The following PEMT variants were observed in gnomAD, a reference collection of about 807,000 sequenced individuals.
The protein encoded by PEMT is phosphatidylethanolamine N-methyltransferase, also known as phospholipid methyltransferase.
A neutral mutation model predicts 27.4 loss-of-function variants in PEMT; 23 were observed. That is an observed-to-expected ratio of 0.84 (90% CI 0.60 to 1.19). PEMT has a LOEUF of 1.19. PEMT is among the 50% of genes most tolerant of loss of function. The probability of loss-of-function intolerance (pLI) is 0.00; values close to 1 mark genes in which losing one functional copy is unlikely to be tolerated. For missense variants in PEMT, 307 were observed against 310.1 expected, an observed-to-expected ratio of 0.99 and a Z score of 0.07; for synonymous variants, 137 against 139.1, an observed-to-expected ratio of 0.98 and a Z score of 0.11.
chr17:17,547,467 G>C (rs369433532), intron 2 of PEMT, among the ~76,000 whole-genome samples: 7 of 152,254 alleles, frequency 4.6e-5, no homozygotes. Flanking sequence ...AACCTGGAGC[G>C]AGGGCAGTCA....
At position 17,565,619 on chromosome 17, in the gene PEMT, C is replaced by T. The variant is rs1016750552; in HGVS notation, c.204+11301G>A. ...ACTGATGAACCCTGGCAGCAGCATC[C>T]GTGACACTGGAGAGCCCAACACCAG... On this transcript the variant is annotated intron_variant, in intron 2 of 6. Coordinates refer to ENST00000255389, the MANE Select transcript of PEMT (RefSeq NM_148172.3). Among the ~76,000 whole-genome samples the T allele has an allele frequency of 2.6e-5, 4 of 152,344 alleles. No individual in the cohort carries two copies. The South Asian group carries it at 6.2e-4, about 24-fold the overall frequency.
chr17:17,586,307 G>A (rs1912313444), intron 1 of PEMT, among the ~76,000 whole-genome samples: 1 of 144,048 alleles, frequency 6.9e-6, no homozygotes, highest in Non-Finnish European at 1.5e-5. Flanking sequence ...AAACGCAGGT[G>A]GAAAATCGGG....
At chr17:17,562,334 C>T (rs954006156) in intron 2 of PEMT, among the ~76,000 whole-genome samples, 12 of 152,162 alleles carry the variant, frequency 7.9e-5, no homozygotes, top group Admixed American at 3.3e-4. Flanking sequence ...ACGACAGTGG[C>T]AGGAGTGTTG....
intron 2 of PEMT, among the ~76,000 whole-genome samples, chr17:17,544,321 C>T (rs1164492449): frequency 6.6e-6 from 1 of 151,534 alleles, no homozygotes; most frequent in Non-Finnish European, 1.5e-5. Context: ...GCTCTTGTCG[C>T]CCAGGCTGGA....
chr17:17,588,833 C>T (rs1435300069), intron 1 of PEMT, among the ~76,000 whole-genome samples: 1 of 152,236 alleles, frequency 6.6e-6, no homozygotes, highest in Non-Finnish European at 1.5e-5. Flanking sequence ...GGCAGCTGCC[C>T]AGCTGAGGAG....
intron 2 of PEMT, among the ~76,000 whole-genome samples, chr17:17,554,531 C>T (rs548088507): frequency 2.6e-5 from 4 of 152,360 alleles, no homozygotes; most frequent in African/African-American, 9.6e-5. Flanking sequence ...GCGGCACAGG[C>T]TGAGGCAACG....
At chr17:17,536,196 C>A in intron 2 of PEMT, among the ~76,000 whole-genome samples, 1 of 152,246 alleles carries the variant, frequency 6.6e-6, no homozygotes, top group East Asian at 1.9e-4. Flanking sequence ...GTATCCTATT[C>A]AATCTGCATG....
Position 17,582,538 on chromosome 17 carries a change from A to C in PEMT, c.97-5511T>G. 44 of 441,796 alleles carry C rather than the reference A, an allele frequency of 1.0e-4. No homozygotes were observed. The highest frequency in any genetic ancestry group is 1.2e-4 in the Non-Finnish European group (41 of 333,352). The allele number at this position is 441,796 out of a possible 1,614,324, so 27.4% of individuals were successfully genotyped here. A position where few individuals can be genotyped will look rare whatever the true frequency, so the allele number is the denominator to read the frequency against. On this transcript the variant is annotated intron_variant, in intron 1 of 6. Transcript: ENST00000255389. This position sits in a 1 kb window ranked among gnomAD's most constrained non-coding sequence, Gnocchi z 4.9. ...TCCAGGCCACACACCACACACAACA[A>C]AGGGCAGGGGAATGGGTGGGGGCTG... is the stretch of plus-strand genomic sequence containing the variant.
chr17:17,512,747 A>G lies in PEMT; in HGVS notation c.321-93T>C. Reference sequence around the variant, plus strand: ...GACCTCATCTTCTCGCCCTCTCCCCAGGGACCCTTAGAGAGTAGCCAGCCC... The same window carrying G: ...GACCTCATCTTCTCGCCCTCTCCCCGGGGACCCTTAGAGAGTAGCCAGCCC... On this transcript the variant is annotated intron_variant, in intron 3 of 6. Coordinates refer to ENST00000255389, the MANE Select transcript of PEMT (RefSeq NM_148172.3). The surrounding 1 kb of genome is among the most constrained non-coding windows in gnomAD (Gnocchi z 6.3). 1.6e-6 allele frequency: 2 copies of G among 1,272,960 alleles called. No homozygotes were observed. The highest frequency in any genetic ancestry group is 2.1e-6 in the Non-Finnish European group (2 of 970,596). The allele number at this position is 1,272,960 out of a possible 1,614,324, so 78.9% of individuals were successfully genotyped here.
At chr17:17,525,774 C>A (rs776565933) in intron 2 of PEMT, among the ~76,000 whole-genome samples, 5 of 152,184 alleles carry the variant, frequency 3.3e-5, no homozygotes, top group Non-Finnish European at 2.9e-5. Context: ...GTGGGAGGAT[C>A]ATGAGGTCAG....
intron 2 of PEMT, among the ~76,000 whole-genome samples, chr17:17,528,809 C>T (rs761086197): frequency 1.3e-4 from 20 of 152,342 alleles, no homozygotes; most frequent in Admixed American, 6.5e-4. Flanking sequence ...CCCAGTCCCA[C>T]TGGAGTTGAC....
chr17:17,505,834 T>G lies in PEMT; in HGVS notation c.668A>C (p.Glu223Ala), dbSNP rs1307640473. 40 of 1,610,900 alleles carry G rather than the reference T, an allele frequency of 2.5e-5. No homozygotes were observed. The highest frequency in any genetic ancestry group is 3.3e-5 in the Non-Finnish European group (39 of 1,178,392). The change falls in exon 7 of 7, where the codon GAG becomes GCG. Residue 223 changes from glutamate (E) to alanine (A), a missense_variant. Glu to Ala is a moderately radical substitution (Grantham distance 107, BLOSUM62 -1). Transcript: ENST00000255389. ...ALLYEEPFTA[E>A]IYRQKASGSH... is the part of the protein sequence containing the mutation. ...CCCGGAGGCTTTCTGCCGGTAGATC[T>G]CAGCGGTGAAGGGCCTGCCGGGCAG...
chr17:17,590,597 G>A (rs966865706), intron 1 of PEMT, among the ~76,000 whole-genome samples: 1 of 152,240 alleles, frequency 6.6e-6, no homozygotes, highest in Non-Finnish European at 1.5e-5. Flanking sequence ...TGAGTGACAC[G>A]AGGCCCTCAG....
intron 2 of PEMT, among the ~76,000 whole-genome samples, chr17:17,527,372 C>T (rs1567684398): frequency 6.6e-6 from 1 of 152,172 alleles, no homozygotes; most frequent in Non-Finnish European, 1.5e-5. Flanking sequence ...TGAAGTGAGA[C>T]ACGGCTCCTT....
chr17:17,535,423 A>G (rs1176169184), intron 2 of PEMT, among the ~76,000 whole-genome samples: 1 of 152,014 alleles, frequency 6.6e-6, no homozygotes, highest in East Asian at 1.9e-4. Flanking sequence ...AAAATTGGCC[A>G]AGCATGGTGG....
At chr17:17,577,864 A>G (rs909124136) in intron 1 of PEMT, among the ~76,000 whole-genome samples, 2 of 151,874 alleles carry the variant, frequency 1.3e-5, no homozygotes, top group African/African-American at 4.8e-5. Context: ...AAAAATACAA[A>G]AAATTAGCCG....
chr17:17,554,398 G>A (rs1355882354), intron 2 of PEMT, among the ~76,000 whole-genome samples: 21 of 152,068 alleles, frequency 1.4e-4, no homozygotes, highest in Admixed American at 5.2e-4. Context: ...AGGCATGAAC[G>A]TGGCCCTCCG....
chr17:17,559,303 C>T (rs1445036473), intron 2 of PEMT, among the ~76,000 whole-genome samples: 1 of 152,072 alleles, frequency 6.6e-6, no homozygotes, highest in Non-Finnish European at 1.5e-5. Flanking sequence ...GCAAGCCTTG[C>T]CAGTGAGATC....
intron 4 of PEMT, among the ~76,000 whole-genome samples, chr17:17,509,891 A>G (rs543316425): frequency 6.6e-6 from 1 of 151,964 alleles, no homozygotes; most frequent in East Asian, 1.9e-4. Context: ...CTGTACAGAG[A>G]GCGCCTTTCC....
Sources: allele counts gnomAD v4.1 joint callset (sites outside exome capture counted in the v4.1 genomes callset), GRCh38; gene constraint gnomAD v4.1.1; non-coding constraint Gnocchi (gnomAD v3.1); transcripts MANE v1.5; gene names NCBI Gene and HGNC (gene_info 2026-07-23, HGNC 2026-07-21).